FBXW2: variants seen among roughly 807,000 people sequenced by gnomAD.
FBXW2 encodes the protein F-box and WD repeat domain containing 2, also known as F-box/WD repeat-containing protein 2.
In FBXW2, 12 loss-of-function variants were observed where a neutral mutation model predicts 46.0. That is an observed-to-expected ratio of 0.26 (90% CI 0.17 to 0.42). The LOEUF is 0.42. FBXW2 is among the 10% of genes least tolerant of loss of function. The pLI is 1.00. For synonymous variants in FBXW2, 203 were observed against 209.6 expected (o/e 0.97, Z 0.27); for missense variants, 360 against 537.0 (o/e 0.67, Z 3.26).
rs746970695 is a variant in FBXW2 at position 120,757,688 on chromosome 9, A to G, written c.*6871T>C. 9 of 152,234 alleles carry G rather than the reference A, an allele frequency of 5.9e-5. No homozygotes were observed. Among genetic ancestry groups the G allele is most frequent in the Non-Finnish European group, 1.2e-4 (8 of 68,030 alleles). 9.4% of individuals were successfully genotyped at this position (152,234 alleles called of 1,614,324 possible). ...AAAGGAGCTCTGGGTAATTTTCTCC[A>G]TAAGTTTTTATTACTGTTAGATTAT... is the stretch of plus-strand genomic sequence containing the variant. On this transcript the variant is annotated 3_prime_UTR_variant, in exon 8 of 8. Transcript: ENST00000608872.
intron 4 of FBXW2, 73 bp from the exon 5 acceptor site, chr9:120,776,299 T>C: frequency 6.7e-7 from 1 of 1,495,176 alleles, no homozygotes; most frequent in African/African-American, 1.4e-5. Flanking sequence ...TTCAATAATG[T>C]TTATTTTCCC....
rs761963663 is a variant in FBXW2, at chr9:120,792,888, T to C, written c.-21+261A>G. On this transcript the variant is annotated intron_variant, in intron 2 of 7. Transcript: ENST00000608872. Reference sequence around the variant, plus strand: ...TCAAGCAGCACCCCACATACACACCTGTTTTCATGGCATACCCACAATTAT... The same window carrying C: ...TCAAGCAGCACCCCACATACACACCCGTTTTCATGGCATACCCACAATTAT... The C allele has an allele frequency of 6.6e-6, 10 of 1,518,494 alleles. No homozygotes were observed. The South Asian group carries it at 1.2e-4, about 18-fold the overall frequency. The allele number at this position is 1,518,494 out of a possible 1,614,324, so 94.1% of individuals were successfully genotyped here. A position where few individuals can be genotyped will look rare whatever the true frequency, so the allele number is the denominator to read the frequency against.
chr9:120,774,405 G>C (rs1009766551), intron 5 of FBXW2, among the ~76,000 whole-genome samples: 1 of 151,862 alleles, frequency 6.6e-6, no homozygotes, highest in African/African-American at 2.4e-5. Context: ...CTAGCTACTC[G>C]GGAGGCTGAG....
At chr9:120,780,349 T>C (rs1173369532) in intron 3 of FBXW2, among the ~76,000 whole-genome samples, 1 of 148,620 alleles carries the variant, frequency 6.7e-6, no homozygotes, top group African/African-American at 2.5e-5. Flanking sequence ...AGGAAGACTC[T>C]GTTTCAAAAA....
chr9:120,777,780 T>C (rs1344448782), intron 4 of FBXW2, among the ~76,000 whole-genome samples: 3 of 130,270 alleles, frequency 2.3e-5, no homozygotes, highest in African/African-American at 8.8e-5. Flanking sequence ...AAATGACCAG[T>C]TTTTGCAAAA....
At chr9:120,772,366 G>A (rs886591977) in intron 6 of FBXW2, among the ~76,000 whole-genome samples, 3 of 151,972 alleles carry the variant, frequency 2.0e-5, no homozygotes, top group South Asian at 2.1e-4. Flanking sequence ...GGTAGCAGGC[G>A]CCTGTAGTCC....
Position 120,788,100 on chromosome 9 carries a change from C to T in FBXW2, c.159G>A (p.Lys53=), listed in dbSNP as rs1489026990. 6.2e-7 allele frequency: 1 copy of T among 1,614,146 alleles called. No individual in the cohort carries two copies. The highest frequency in any genetic ancestry group is 2.2e-5 in the East Asian group (1 of 44,884). The change falls in exon 3 of 8, where the codon AAG becomes AAA. Residue 53 remains lysine, a synonymous_variant. Coordinates refer to ENST00000608872, the MANE Select transcript of FBXW2 (RefSeq NM_012164.4). ...GGGGAAGGAGTTTGAGGAAGTCCCG[C>T]TTGAGGAGAGTCTCTAGGTTATTGG... ...HLSNNLETLL[K]RDFLKLLPLE... is the part of the protein sequence containing the mutation.
rs1272797519 is a variant in FBXW2, at chr9:120,793,039, G to A, written c.-21+110C>T. 5.6e-6 allele frequency: 7 copies of A among 1,258,338 alleles called. No individual in the cohort carries two copies. In the South Asian group the frequency reaches 6.4e-5, roughly 12 times the overall value. 77.9% of individuals were successfully genotyped at this position (1,258,338 alleles called of 1,614,324 possible). ...AGCTAAGGAAATGGAGGCAGTAGGA[G>A]GCAGTAACTCCAAAACCCTGTTTTC... On this transcript the variant is annotated intron_variant, in intron 2 of 7. Transcript: ENST00000608872.
At chr9:120,792,939 A>AT in intron 2 of FBXW2, 1 of 1,532,682 alleles carries the variant, frequency 6.5e-7, no homozygotes, top group South Asian at 1.2e-5. Context: ...TTTGTACTTC[A>AT]TAAACCACCT....
At position 120,788,021 on chromosome 9, in the gene FBXW2, A is replaced by G; in HGVS notation, c.238T>C (p.Cys80Arg). The G allele has an allele frequency of 6.2e-7, 1 of 1,614,226 alleles. No individual in the cohort carries two copies. The change falls in exon 3 of 8, where the codon TGC becomes CGC. Residue 80 changes from cysteine to arginine, a missense_variant. Transcript: ENST00000608872. ...TTCCACTGTTTAGAGACGAGGCAGC[A>G]TGTGAGTAAAGTCTGAGGATCGAGC... is the stretch of plus-strand genomic sequence containing the variant. ...KWLDPQTLLT[C>R]CLVSKQWNKV...
chr9:120,780,082 G>A (rs1234680473), intron 3 of FBXW2, among the ~76,000 whole-genome samples: 1 of 150,614 alleles, frequency 6.6e-6, no homozygotes, highest in Non-Finnish European at 1.5e-5. Flanking sequence ...AGGTTGCAAT[G>A]AGCTGAGATC....
chr9:120,791,589 G>C (rs1181435309), intron 2 of FBXW2, among the ~76,000 whole-genome samples: 2 of 152,182 alleles, frequency 1.3e-5, no homozygotes, highest in Non-Finnish European at 1.5e-5. Flanking sequence ...TTACTACTAT[G>C]AACACCTGGC....
chr9:120,791,793 T>C (rs2131389148), intron 2 of FBXW2, among the ~76,000 whole-genome samples: 1 of 152,296 alleles, frequency 6.6e-6, no homozygotes, highest in East Asian at 1.9e-4. Flanking sequence ...GTAGGTGCCT[T>C]ATTCTACCCA....
chr9:120,780,605 G>C (rs537917036), intron 3 of FBXW2, among the ~76,000 whole-genome samples: 12 of 152,186 alleles, frequency 7.9e-5, no homozygotes, highest in Non-Finnish European at 1.5e-4. Flanking sequence ...AAGGCCTTCA[G>C]TTCAGGCATG....
At chr9:120,787,689 C>G in intron 3 of FBXW2, 80 bp downstream of exon 3, 1 of 1,452,000 alleles carries the variant, frequency 6.9e-7, no homozygotes, top group Non-Finnish European at 9.3e-7. Context: ...ACTTGTCATT[C>G]TCAAAGCTCA....
intron 4 of FBXW2, among the ~76,000 whole-genome samples, chr9:120,776,825 T>C (rs2044507365): frequency 6.6e-6 from 1 of 152,188 alleles, no homozygotes; most frequent in South Asian, 2.1e-4. Flanking sequence ...ATACCAGTTC[T>C]AAAGGAACAT....
chr9:120,792,640 C>A, intron 2 of FBXW2: 1 of 217,974 alleles, frequency 4.6e-6, no homozygotes, highest in Non-Finnish European at 9.5e-6. Context: ...TCTGCAACTC[C>A]ACTTGTTGCT....
chr9:120,780,781 T>C (rs1202605177), intron 3 of FBXW2, among the ~76,000 whole-genome samples: 2 of 152,194 alleles, frequency 1.3e-5, no homozygotes. Flanking sequence ...TGGCACTCAG[T>C]CTACTTGGGA....
At chr9:120,791,557 C>G (rs922444796) in intron 2 of FBXW2, among the ~76,000 whole-genome samples, 2 of 152,122 alleles carry the variant, frequency 1.3e-5, no homozygotes, top group African/African-American at 4.8e-5. Flanking sequence ...GGTAAAAACT[C>G]AAATGGTACT....
Sources: allele counts gnomAD v4.1 joint callset (sites outside exome capture counted in the v4.1 genomes callset), GRCh38; gene constraint gnomAD v4.1.1; transcripts MANE v1.5; gene names NCBI Gene and HGNC (gene_info 2026-07-23, HGNC 2026-07-21).